The following NR2C2 variants were observed in gnomAD, a reference collection of about 807,000 sequenced individuals.
NR2C2 encodes Nuclear hormone receptor TR4.
A neutral mutation model predicts 62.9 loss-of-function variants in NR2C2; 6 were observed. The ratio of observed to expected loss-of-function variants is 0.10; its 90% CI spans 0.05 to 0.19. NR2C2 has a LOEUF of 0.19. Ranked by LOEUF, NR2C2 falls within the 10% of genes least tolerant of loss-of-function variation. The pLI is 1.00. For missense variants in NR2C2, 479 were observed against 762.7 expected (o/e 0.63, Z 4.38); for synonymous variants, 272 against 273.8 (o/e 0.99, Z 0.07).
chr3:15,006,553 G>A (rs1210578599), intron 2 of NR2C2, among the ~76,000 whole-genome samples: 1 of 152,006 alleles, frequency 6.6e-6, no homozygotes, highest in African/African-American at 2.4e-5. Context: ...TGGGTTGAGG[G>A]ACAAACCCTT....
rs1341588515 is a variant in NR2C2 at position 15,042,626 on chromosome 3, TCTGTACATACATTTTGTACTCA to T, written c.1617-207_1617-186del. The T allele has an allele frequency of 7.6e-6, 4 of 525,294 alleles. No individual in the cohort carries two copies. The East Asian group carries it at 1.2e-4, about 16-fold the overall frequency. 32.5% of individuals were successfully genotyped at this position (525,294 alleles called of 1,614,324 possible). ...AATAAACAAGAGTGAAGGGAACACA[TCTGTACATACATTTTGTACTCA>T]TTTGGTTTTTTCTCATGATAAATTT... On this transcript the variant is annotated intron_variant, in intron 13 of 13. Transcript: ENST00000425241.
chr3:14,980,415 G>A (rs559932953), intron 1 of NR2C2, among the ~76,000 whole-genome samples: 36 of 152,006 alleles, frequency 2.4e-4, no homozygotes, highest in African/African-American at 8.4e-4. Flanking sequence ...CTCCTGCCTC[G>A]GCCTCCCAAA....
At position 15,016,271 on chromosome 3, in the gene NR2C2, T is replaced by G. The variant is rs1167653232; in HGVS notation, c.376+17T>G. 6.3e-7 allele frequency: 1 copy of G among 1,586,712 alleles called. No individual in the cohort carries two copies. Among genetic ancestry groups the G allele is most frequent in the Non-Finnish European group, 8.7e-7 (1 of 1,155,364 alleles). On this transcript the variant is annotated intron_variant, in intron 4 of 13. Coordinates refer to ENST00000425241, the MANE Select transcript of NR2C2 (RefSeq NM_001291694.2). ...AAGCCTCCGGTATGTAGTTCCAGGTTATGCTGGCACTTATAATGGGCCAAC... is the reference window on the plus strand; with the variant it reads ...AAGCCTCCGGTATGTAGTTCCAGGTGATGCTGGCACTTATAATGGGCCAAC...
intron 12 of NR2C2, 82 bp from the exon 13 acceptor site, chr3:15,039,040 T>C: frequency 1.0e-6 from 1 of 993,632 alleles, no homozygotes; most frequent in South Asian, 1.4e-5. Context: ...TTGCAGAAGT[T>C]TGACTAAAAG....
intron 1 of NR2C2, among the ~76,000 whole-genome samples, chr3:14,977,897 T>A (rs969474976): frequency 2.7e-5 from 4 of 146,960 alleles, no homozygotes; most frequent in Non-Finnish European, 6.0e-5. Context: ...CCCGGGAGGC[T>A]GAGATTGTAC....
At chr3:14,959,015 T>C (rs928824106) in intron 1 of NR2C2, 1 of 152,174 alleles carries the variant, frequency 6.6e-6, no homozygotes, top group African/African-American at 2.4e-5. Flanking sequence ...TGAAGATAGT[T>C]TTTCAAACTA....
chr3:14,975,974 A>G (rs1286557351), intron 1 of NR2C2, among the ~76,000 whole-genome samples: 2 of 152,062 alleles, frequency 1.3e-5, no homozygotes, highest in African/African-American at 2.4e-5. Context: ...GGGTTTCGCC[A>G]TGTTGCCCGG....
chr3:14,979,827 G>A (rs2040313220), intron 1 of NR2C2, among the ~76,000 whole-genome samples: 1 of 152,146 alleles, frequency 6.6e-6, no homozygotes, highest in African/African-American at 2.4e-5. Context: ...CCATGGTCAA[G>A]AGTTTGTATT....
At position 15,020,741 on chromosome 3, in the gene NR2C2, C is replaced by T. The variant is rs769358876; in HGVS notation, c.377-12C>T. The T allele has an allele frequency of 6.8e-6, 11 of 1,612,074 alleles. No homozygotes were observed. In the African/African-American group the frequency reaches 1.1e-4, roughly 16 times the overall value. ...GTCACAAAATATTTGTGTATTCTTT[C>T]TCCTGTTTCAGGCCGTCACTATGGG... On this transcript the variant is annotated splice_polypyrimidine_tract_variant and intron_variant, in intron 4 of 13. Coordinates refer to ENST00000425241, the MANE Select transcript of NR2C2 (RefSeq NM_001291694.2).
intron 1 of NR2C2, among the ~76,000 whole-genome samples, chr3:14,966,444 G>A (rs1461400897): frequency 6.6e-6 from 1 of 152,154 alleles, no homozygotes; most frequent in Non-Finnish European, 1.5e-5. Flanking sequence ...AAATTTAGCT[G>A]GACGTGGTGG....
At chr3:14,971,350 C>G (rs191110334) in intron 1 of NR2C2, among the ~76,000 whole-genome samples, 10 of 151,532 alleles carry the variant, frequency 6.6e-5, no homozygotes, top group Admixed American at 2.6e-4. Flanking sequence ...ACTCCTGACC[C>G]CAGGTGATCC....
intron 7 of NR2C2, among the ~76,000 whole-genome samples, chr3:15,024,793 C>T (rs1448770456): frequency 2.6e-5 from 4 of 152,170 alleles, no homozygotes; most frequent in Non-Finnish European, 5.9e-5. Flanking sequence ...TGATGTAAAC[C>T]AAGTAATGAG....
chr3:15,024,346 T>A, intron 7 of NR2C2, 138 bp downstream of exon 7: 1 of 597,870 alleles, frequency 1.7e-6, no homozygotes, highest in Non-Finnish European at 2.9e-6. Context: ...CTCCTTATTG[T>A]TGTGATAGCT....
chr3:15,008,554 C>G (rs1264084685), intron 2 of NR2C2, among the ~76,000 whole-genome samples: 1 of 151,706 alleles, frequency 6.6e-6, no homozygotes, highest in African/African-American at 2.4e-5. Context: ...TTTGGGTACT[C>G]AAACAAAAGT....
intron 1 of NR2C2, among the ~76,000 whole-genome samples, chr3:14,972,056 G>A (rs1232915308): frequency 6.6e-6 from 1 of 151,080 alleles, no homozygotes; most frequent in Admixed American, 6.6e-5. Context: ...TGATCCACCT[G>A]CTTTGGCCTC....
chr3:15,017,769 G>A (rs1180526968), intron 4 of NR2C2, among the ~76,000 whole-genome samples: 1 of 152,208 alleles, frequency 6.6e-6, no homozygotes, highest in African/African-American at 2.4e-5. Flanking sequence ...TATTCCAGAT[G>A]CACACTTGGG....
intron 2 of NR2C2, chr3:15,004,734 G>T: frequency 4.2e-6 from 5 of 1,204,418 alleles, no homozygotes; most frequent in South Asian, 3.4e-5. Context: ...TGATTTCTCT[G>T]TTTTTCTTCT....
intron 1 of NR2C2, among the ~76,000 whole-genome samples, chr3:14,968,568 A>C (rs536329961): frequency 6.9e-6 from 1 of 145,592 alleles, no homozygotes; most frequent in African/African-American, 2.6e-5. Context: ...ATTGTGGAAG[A>C]CAGTGTGGCG....
rs528161963 is a variant in NR2C2, at chr3:15,039,099, G to C, written c.1511-23G>C. 2.8e-5 allele frequency: 44 copies of C among 1,567,284 alleles called. 1 individual carries two copies. In the Middle Eastern group the frequency reaches 1.2e-3, roughly 42 times the overall value. ...CTTTTCAAATACAGAGGGAACTGGG[G>C]GGGGGTACTTTTCTGTTTTCAGATC... On this transcript the variant is annotated intron_variant, in intron 12 of 13. Transcript: ENST00000425241.
Sources: allele counts gnomAD v4.1 joint callset (sites outside exome capture counted in the v4.1 genomes callset), GRCh38; gene constraint gnomAD v4.1.1; transcripts MANE v1.5; gene names NCBI Gene and HGNC (gene_info 2026-07-23, HGNC 2026-07-21).